Variants in YIPF7 observed in about 807,000 individuals in gnomAD.
The protein encoded by YIPF7 is Yip1 domain family member 7.
YIPF7 carries 35 observed loss-of-function variants against 27.2 expected under a neutral mutation model. The observed-to-expected ratio is 1.29, with a 90% CI of 0.98 to 1.70. The LOEUF (loss-of-function observed/expected upper bound fraction) is 1.70, where lower values mean the gene tolerates loss of function less well. Among genes scored for constraint, YIPF7 ranks in the 40% most tolerant of loss-of-function variants. YIPF7 has a pLI of 0.00. For synonymous variants in YIPF7, 137 were observed against 110.4 expected (o/e 1.24, Z -1.51); for missense variants, 358 against 303.7 (o/e 1.18, Z -1.33).
intron 4 of YIPF7, 80 bp downstream of exon 4, chr4:44,629,323 C>A: frequency 7.5e-7 from 1 of 1,332,688 alleles, no homozygotes; most frequent in East Asian, 2.9e-5. Flanking sequence ...CACAGTTTCT[C>A]TTATATTTAT....
intron 2 of YIPF7, among the ~76,000 whole-genome samples, chr4:44,639,480 T>C (rs1577738507): frequency 6.6e-6 from 1 of 152,332 alleles, no homozygotes; most frequent in East Asian, 1.9e-4. Context: ...CTTGATTTCT[T>C]TCTCAGCTAG....
At chr4:44,642,048 C>G (rs541540293) in intron 2 of YIPF7, among the ~76,000 whole-genome samples, 44 of 152,090 alleles carry the variant, frequency 2.9e-4, no homozygotes. Flanking sequence ...CTAAATGGAC[C>G]AATGTCTAAG....
chr4:44,662,165 A>G (rs1174565853), intron 1 of YIPF7, among the ~76,000 whole-genome samples: 3 of 152,224 alleles, frequency 2.0e-5, no homozygotes, highest in Non-Finnish European at 4.4e-5. Context: ...CACAGATAGT[A>G]TGGAACCCTA....
chr4:44,624,108 C>G (rs1712536852), intron 5 of YIPF7, among the ~76,000 whole-genome samples: 1 of 149,894 alleles, frequency 6.7e-6, no homozygotes, highest in East Asian at 2.0e-4. Flanking sequence ...TCTTGTTGCC[C>G]AGGCTGGAGT....
intron 2 of YIPF7, among the ~76,000 whole-genome samples, chr4:44,658,666 T>C (rs1324682738): frequency 2.0e-5 from 3 of 152,158 alleles, no homozygotes; most frequent in Non-Finnish European, 4.4e-5. Context: ...TTTGTATTAG[T>C]AGTTTTCATG....
At chr4:44,635,746 C>A (rs553899624) in intron 3 of YIPF7, among the ~76,000 whole-genome samples, 176 bp downstream of exon 3, 7 of 152,288 alleles carry the variant, frequency 4.6e-5, no homozygotes, top group Admixed American at 4.6e-4. Context: ...TTCCCCTATG[C>A]AAACATGCAA....
At chr4:44,643,125 C>T (rs971241654) in intron 2 of YIPF7, among the ~76,000 whole-genome samples, 2 of 152,104 alleles carry the variant, frequency 1.3e-5, no homozygotes, top group Non-Finnish European at 2.9e-5. Flanking sequence ...ATTGTTATGA[C>T]CAAAATGCTG....
At chr4:44,652,497 C>G (rs1713766785), upstream of YIPF7, among the ~76,000 whole-genome samples, 2 of 152,236 alleles carry the variant, frequency 1.3e-5, no homozygotes, top group South Asian at 4.1e-4. Flanking sequence ...TAATTTGGCA[C>G]TTAAGAATCT....
chr4:44,625,143 A>T (rs900557528), intron 4 of YIPF7, among the ~76,000 whole-genome samples: 25 of 152,338 alleles, frequency 1.6e-4, no homozygotes, highest in South Asian at 4.1e-4. Flanking sequence ...GGAATAAAAA[A>T]TCCAATTTTA....
upstream of YIPF7, among the ~76,000 whole-genome samples, chr4:44,654,790 C>T (rs1387123260): frequency 6.6e-6 from 1 of 151,976 alleles, no homozygotes; most frequent in African/African-American, 2.4e-5. Context: ...ATATATCTCT[C>T]ACTAACCAAT....
upstream of YIPF7, among the ~76,000 whole-genome samples, chr4:44,651,798 G>A (rs1268418344): frequency 6.6e-6 from 1 of 152,180 alleles, no homozygotes; most frequent in Non-Finnish European, 1.5e-5. Flanking sequence ...CTTACAATTT[G>A]ATAATATGGA....
Position 44,624,770 on chromosome 4 carries a change from G to T in YIPF7, c.439C>A (p.Gln147Lys), listed in dbSNP as rs566350509. Residue 147 changes from glutamine to lysine, a missense_variant, in exon 5 of 6, where the codon CAG becomes AAG. By Grantham distance (53) the Gln-to-Lys change is moderately conservative. Transcript: ENST00000415895. ...GATLLLAGKV[Q>K]FGYVYGMSAI... ...CTCATGCCATACACATAACCAAACT[G>T]AACTTTTCCTGCCTGAAACGACGTG... 1 of 1,607,774 alleles carries T rather than the reference G, an allele frequency of 6.2e-7. No individual in the cohort carries two copies. The highest frequency in any genetic ancestry group is 1.3e-5 in the African/African-American group (1 of 74,806).
intron 2 of YIPF7, among the ~76,000 whole-genome samples, chr4:44,641,954 G>C (rs1713340334): frequency 6.6e-6 from 1 of 152,036 alleles, no homozygotes; most frequent in African/African-American, 2.4e-5. Context: ...AATCCGAATG[G>C]CTTTTTTATT....
chr4:44,660,307 G>A (rs1560332903), intron 2 of YIPF7: 1 of 151,982 alleles, frequency 6.6e-6, no homozygotes, highest in Non-Finnish European at 1.5e-5. Flanking sequence ...AATATAGGCT[G>A]GCCTTAGTGA....
At chr4:44,639,941 G>A (rs1392753764) in intron 2 of YIPF7, among the ~76,000 whole-genome samples, 2 of 152,236 alleles carry the variant, frequency 1.3e-5, no homozygotes, top group East Asian at 1.9e-4. Flanking sequence ...TGCATCCATT[G>A]AGATAATCAT....
chr4:44,644,306 C>T (rs1713445505), intron 2 of YIPF7, among the ~76,000 whole-genome samples: 1 of 152,174 alleles, frequency 6.6e-6, no homozygotes, highest in Admixed American at 6.6e-5. Context: ...TAGGGCCACA[C>T]ATAAAATATG....
chr4:44,654,598 C>G (rs1392067658), upstream of YIPF7, among the ~76,000 whole-genome samples: 1 of 151,946 alleles, frequency 6.6e-6, no homozygotes, highest in African/African-American at 2.4e-5. Flanking sequence ...GACCTTTCTT[C>G]TCAGGATCAG....
chr4:44,641,758 C>A (rs77168778), intron 2 of YIPF7, among the ~76,000 whole-genome samples: 2,630 of 152,250 alleles, frequency 0.017, 78 homozygotes, highest in African/African-American at 0.057. Flanking sequence ...TACACTTAAT[C>A]ATTTACTAAC....
At chr4:44,636,204 AAG>A in intron 2 of YIPF7, 119 bp from the exon 3 acceptor site, 1 of 1,062,826 alleles carries the variant, frequency 9.4e-7, no homozygotes, top group Non-Finnish European at 1.3e-6. Flanking sequence ...TTACTCATGA[AAG>A]AAACAACTTA....
Sources: allele counts gnomAD v4.1 joint callset (sites outside exome capture counted in the v4.1 genomes callset), GRCh38; gene constraint gnomAD v4.1.1; transcripts MANE v1.5; gene names NCBI Gene and HGNC (gene_info 2026-07-23, HGNC 2026-07-21).